SNTA1: variants seen among roughly 807,000 people sequenced by gnomAD.
SNTA1 encodes syntrophin alpha 1, also known as alpha-1-syntrophin.
Under a neutral mutation model 47.1 loss-of-function variants are expected in SNTA1, and 31 were observed. The ratio of observed to expected loss-of-function variants is 0.66; its 90% CI spans 0.49 to 0.89. The LOEUF is 0.89. Among genes scored for constraint, SNTA1 ranks in the 40% least tolerant of loss-of-function variants. The pLI, the probability that SNTA1 is intolerant of heterozygous loss-of-function variation, is 0.00. For missense variants in SNTA1, 575 were observed against 693.0 expected, an observed-to-expected ratio of 0.83 and a Z score of 1.91; for synonymous variants, 300 against 313.6, an observed-to-expected ratio of 0.96 and a Z score of 0.46.
intron 2 of SNTA1, among the ~76,000 whole-genome samples, chr20:33,436,676 A>C (rs1288824759): frequency 6.6e-6 from 1 of 151,994 alleles, no homozygotes; most frequent in Non-Finnish European, 1.5e-5. Context: ...TCTCTACAAA[A>C]AATTGGCTAG....
chr20:33,433,882 G>T (rs1735745884), intron 2 of SNTA1, among the ~76,000 whole-genome samples: 1 of 152,172 alleles, frequency 6.6e-6, no homozygotes, highest in African/African-American at 2.4e-5. Context: ...AGGCAGGTTG[G>T]GGTTGCTGAG....
At chr20:33,425,267 A>G (rs1356418365) in intron 2 of SNTA1, among the ~76,000 whole-genome samples, 1 of 152,026 alleles carries the variant, frequency 6.6e-6, no homozygotes, top group Non-Finnish European at 1.5e-5. Context: ...AAGACCCTGT[A>G]TCTATAAATA....
At position 33,414,245 on chromosome 20, in the gene SNTA1, C is replaced by CAAAAAAAAAAAAAAAA. The variant is rs56186098; in HGVS notation, c.702-1479_702-1464dup. ...AAAAGCGAAACTCCGTCTCAAAAAC[C>CAAAAAAAAAAAAAAAA]AAAAAAAAAAAAAAAAAAAAAAAAA... On this transcript the variant is annotated intron_variant, in intron 3 of 7. Coordinates refer to ENST00000217381, the MANE Select transcript of SNTA1 (RefSeq NM_003098.3). Among the ~76,000 whole-genome samples the CAAAAAAAAAAAAAAAA allele has an allele frequency of 1.9e-3, 55 of 29,212 alleles. 1 individual carries two copies. The highest frequency in any genetic ancestry group is 3.0e-3 in the Non-Finnish European group (39 of 12,960). The allele number at this position is 29,212 out of a possible 152,430, so 19.2% of individuals were successfully genotyped here.
rs143309917 is a variant in SNTA1 at position 33,412,343 on chromosome 20, G to A, written c.993C>T (p.Arg331=). ...LLLYLSLPET[R]EALSRPARTA... is the part of the protein sequence containing the mutation. ...TACGGGCTGGCCGGCTCAGGGCCTC[G>A]CGGGTCTCGGGGAGAGACAAGTAGA... Residue 331 remains arginine (R), a synonymous_variant, in exon 5 of 8, where the codon CGC becomes CGT. Transcript: ENST00000217381. 364 of 1,611,794 alleles carry A rather than the reference G, an allele frequency of 2.3e-4. No individual in the cohort carries two copies. In the African/African-American group the frequency reaches 4.1e-3, roughly 18 times the overall value.
chr20:33,434,819 T>C (rs977532439), intron 2 of SNTA1, among the ~76,000 whole-genome samples: 2 of 151,668 alleles, frequency 1.3e-5, no homozygotes, highest in African/African-American at 4.8e-5. Flanking sequence ...ATTACAGGCG[T>C]AAGCCACCAC....
chr20:33,424,127 C>G (rs1473728710), intron 2 of SNTA1, among the ~76,000 whole-genome samples: 1 of 151,594 alleles, frequency 6.6e-6, no homozygotes, highest in Admixed American at 6.6e-5. Context: ...CCAGCCTGAC[C>G]AACATGGTGA....
At chr20:33,434,869 C>CA (rs1990398590) in intron 2 of SNTA1, among the ~76,000 whole-genome samples, 2 of 151,672 alleles carry the variant, frequency 1.3e-5, no homozygotes. Context: ...AGCTATTGAT[C>CA]ACCTCTGATC....
At position 33,408,707 on chromosome 20, in the gene SNTA1, G is replaced by A. The variant is rs1031085909; in HGVS notation, c.1419C>T (p.Gly473=). The A allele has an allele frequency of 1.9e-5, 30 of 1,613,796 alleles. No individual in the cohort carries two copies. The highest frequency in any genetic ancestry group is 2.7e-5 in the African/African-American group (2 of 74,856). Residue 473 remains glycine (G), a synonymous_variant, in exon 7 of 8, where the codon GGC becomes GGT. Transcript: ENST00000217381. The part of the protein sequence containing the change: ...LLFLDFGGAE[G]EIQLDLHSCP... ...GAGGCAGCCCCTCACTCACGATCTCGCCTTCAGCACCTCCAAAATCCAGGA... is the reference window on the plus strand; with the variant it reads ...GAGGCAGCCCCTCACTCACGATCTCACCTTCAGCACCTCCAAAATCCAGGA...
Position 33,408,826 on chromosome 20 carries a change from A to G in SNTA1, c.1300T>C (p.Trp434Arg), listed in dbSNP as rs772600822. 1.5e-5 allele frequency: 25 copies of G among 1,614,206 alleles called. 1 individual carries two copies. The highest frequency in any genetic ancestry group is 3.3e-5 in the Admixed American group (2 of 60,024). ...CGGGCTGCACCTGGCTCAGCCGCCC[A>G]CAGTGTGAAGCCCTTGTCGATGTGC... Reference protein sequence around the residue: ...SVHIDKGFTLWAAEPGAARAV... With the variant: ...SVHIDKGFTLRAAEPGAARAV... The change falls in exon 7 of 8, where the codon TGG becomes CGG. Residue 434 changes from tryptophan (W) to arginine (R), a missense_variant. By Grantham distance (101) the Trp-to-Arg change is moderately radical (BLOSUM62 -3). Coordinates refer to ENST00000217381, the MANE Select transcript of SNTA1 (RefSeq NM_003098.3).
Position 33,415,154 on chromosome 20 carries a change from T to C in SNTA1, c.702-2372A>G, listed in dbSNP as rs291690. Among the ~76,000 whole-genome samples, 441 of 151,848 alleles carry C rather than the reference T, an allele frequency of 2.9e-3. 4 individuals carry two copies. Among genetic ancestry groups the C allele is most frequent in the African/African-American group, 0.01 (420 of 41,534 alleles). ...TATGTGCATACACATACAAATAACA[T>C]ATAAACAAACACACATGTACAAATC... On this transcript the variant is annotated intron_variant, in intron 3 of 7. Transcript: ENST00000217381.
Position 33,438,899 on chromosome 20 carries a change from A to G in SNTA1, c.438T>C (p.Ala146=). The change falls in exon 2 of 8, where the codon GCT becomes GCC. Residue 146 remains alanine (A), a synonymous_variant. Transcript: ENST00000217381. Reference sequence around the variant, plus strand: ...GGACCTGCACCGCCTCATCATGGGTAGCAGAGGACAAGTCTTCCCCATTCA... The same window carrying G: ...GGACCTGCACCGCCTCATCATGGGTGGCAGAGGACAAGTCTTCCCCATTCA... ...LSVNGEDLSS[A]THDEAVQVLK... 1 of 1,614,100 alleles carries G rather than the reference A, an allele frequency of 6.2e-7. No homozygotes were observed. Among genetic ancestry groups the G allele is most frequent in the Non-Finnish European group, 8.5e-7 (1 of 1,179,950 alleles).
rs763906288 is a variant in SNTA1 at position 33,417,713 on chromosome 20, C to T, written c.701+6G>A. On this transcript the variant is annotated splice_donor_region_variant and intron_variant, in intron 3 of 7. Transcript: ENST00000217381. The stretch of plus-strand genomic sequence containing the variant: ...CCATCTGAGTTGCTCCCAACCCCAG[C>T]CTTACCTGGGCTCCGGGTCATTGGG... 3 of 1,611,274 alleles carry T rather than the reference C, an allele frequency of 1.9e-6. No individual in the cohort carries two copies. The Admixed American group carries it at 5.0e-5, about 27-fold the overall frequency.
At chr20:33,438,026 C>T (rs1480241689) in intron 2 of SNTA1, among the ~76,000 whole-genome samples, 5 of 152,158 alleles carry the variant, frequency 3.3e-5, no homozygotes, top group African/African-American at 7.2e-5. Flanking sequence ...GGCCTCTGGG[C>T]GTGGTGGCTC....
chr20:33,439,495 AAATT>A (rs1302750106), intron 1 of SNTA1, among the ~76,000 whole-genome samples: 27 of 152,192 alleles, frequency 1.8e-4, no homozygotes, highest in African/African-American at 5.6e-4. Context: ...CTGTCTCAAT[AAATT>A]AATTAATTAA....
At chr20:33,436,633 G>A (rs1990445240) in intron 2 of SNTA1, among the ~76,000 whole-genome samples, 1 of 151,896 alleles carries the variant, frequency 6.6e-6, no homozygotes, top group African/African-American at 2.4e-5. Context: ...CCCAGGAGTT[G>A]GAGACCAGCC....
Position 33,408,809 on chromosome 20 carries a change from A to G in SNTA1, c.1317T>C (p.Gly439=), listed in dbSNP as rs780958940. The change falls in exon 7 of 8, where the codon GGT becomes GGC. Residue 439 remains glycine, a synonymous_variant. Transcript: ENST00000217381. Reference sequence around the variant, plus strand: ...GTCGCAGGAGCACAGCTCGGGCTGCACCTGGCTCAGCCGCCCACAGTGTGA... The same window carrying G: ...GTCGCAGGAGCACAGCTCGGGCTGCGCCTGGCTCAGCCGCCCACAGTGTGA... ...KGFTLWAAEP[G]AARAVLLRQP... 1 of 1,614,150 alleles carries G rather than the reference A, an allele frequency of 6.2e-7. No homozygotes were observed. Among genetic ancestry groups the G allele is most frequent in the South Asian group, 1.1e-5 (1 of 91,080 alleles).
At chr20:33,426,132 A>G (rs1990163309) in intron 2 of SNTA1, among the ~76,000 whole-genome samples, 1 of 151,762 alleles carries the variant, frequency 6.6e-6, no homozygotes. Context: ...GAAGTAAAAT[A>G]TATCTACTTT....
chr20:33,411,081 A>G (rs1166763276), intron 5 of SNTA1, among the ~76,000 whole-genome samples: 2 of 152,048 alleles, frequency 1.3e-5, no homozygotes, highest in Non-Finnish European at 2.9e-5. Flanking sequence ...TGGTAAGCCA[A>G]CTGCCCCTCT....
chr20:33,432,307 G>A (rs563826401), intron 2 of SNTA1, among the ~76,000 whole-genome samples: 1 of 152,216 alleles, frequency 6.6e-6, no homozygotes, highest in Non-Finnish European at 1.5e-5. Flanking sequence ...AGCCAGTAGG[G>A]AGCTGGCCTT....
Sources: allele counts gnomAD v4.1 joint callset (sites outside exome capture counted in the v4.1 genomes callset), GRCh38; gene constraint gnomAD v4.1.1; transcripts MANE v1.5; gene names NCBI Gene and HGNC (gene_info 2026-07-23, HGNC 2026-07-21).